The following RUNX1T1 variants were observed in gnomAD, a reference collection of about 807,000 sequenced individuals.
The protein encoded by RUNX1T1 is RUNX1 partner transcriptional co-repressor 1.
A neutral mutation model predicts 62.8 loss-of-function variants in RUNX1T1; 4 were observed. That is an observed-to-expected ratio of 0.06 (90% CI 0.03 to 0.15). The LOEUF is 0.15. Ranked by LOEUF, RUNX1T1 falls within the 10% of genes least tolerant of loss-of-function variation. RUNX1T1 has a pLI of 1.00. For missense variants in RUNX1T1, 508 were observed against 754.3 expected (o/e 0.67, Z 3.82); for synonymous variants, 291 against 286.0 (o/e 1.02, Z -0.18).
At chr8:92,044,266 G>A (rs941791038) in intron 1 of RUNX1T1, among the ~76,000 whole-genome samples, 5 of 152,168 alleles carry the variant, frequency 3.3e-5, no homozygotes, top group African/African-American at 1.2e-4. Flanking sequence ...CAGGCAGCAG[G>A]AAAGAAAAAG....
At chr8:92,052,668 C>T (rs1830415251) in intron 1 of RUNX1T1, among the ~76,000 whole-genome samples, 1 of 152,076 alleles carries the variant, frequency 6.6e-6, no homozygotes, top group South Asian at 2.1e-4. Flanking sequence ...CTTAAGAATC[C>T]TCTGAGGGCT....
intron 4 of RUNX1T1, among the ~76,000 whole-genome samples, chr8:92,007,967 C>CAAAA (rs34232877): frequency 3.9e-4 from 33 of 84,464 alleles, no homozygotes; most frequent in Middle Eastern, 8.9e-3. Context: ...GACTTTGTTT[C>CAAAA]AAAAAAAAAA....
At position 92,094,980 on chromosome 8, in the gene RUNX1T1, C is replaced by G. The variant is rs538386419; in HGVS notation, c.-86+4600G>C. ...TCGAGTCTCTTTAAACCTATTCAGA[C>G]TGGCAAAACTAAACCCAATTAAAGA... is the stretch of plus-strand genomic sequence containing the variant. On this transcript the variant is annotated intron_variant, in intron 1 of 11. Coordinates refer to the RUNX1T1 transcript ENST00000265814. 5 of 1,409,206 alleles carry G rather than the reference C, an allele frequency of 3.5e-6. No homozygotes were observed. In the African/African-American group the frequency reaches 5.7e-5, roughly 16 times the overall value. The allele number at this position is 1,409,206 out of a possible 1,614,324, so 87.3% of individuals were successfully genotyped here.
intron 2 of RUNX1T1, among the ~76,000 whole-genome samples, chr8:92,073,758 G>A (rs1834017382): frequency 1.3e-5 from 2 of 152,136 alleles, no homozygotes; most frequent in Non-Finnish European, 2.9e-5. Flanking sequence ...GTAAAACGGT[G>A]CAATCATCGC....
chr8:92,091,194 C>T (rs1209929225), intron 1 of RUNX1T1, among the ~76,000 whole-genome samples: 1 of 152,170 alleles, frequency 6.6e-6, no homozygotes, highest in African/African-American at 2.4e-5. Flanking sequence ...ATTCTAAAGG[C>T]CCTATTCATC....
At chr8:92,022,117 G>A (rs961824139) in intron 1 of RUNX1T1, among the ~76,000 whole-genome samples, 2 of 151,446 alleles carry the variant, frequency 1.3e-5, no homozygotes, top group Non-Finnish European at 2.9e-5. Flanking sequence ...ACTTGATGGC[G>A]ATATTTTTTA....
intron 1 of RUNX1T1, among the ~76,000 whole-genome samples, chr8:92,097,002 A>G (rs1443679188): frequency 6.6e-6 from 1 of 151,988 alleles, no homozygotes; most frequent in Non-Finnish European, 1.5e-5. Flanking sequence ...CACACACACC[A>G]ATGTTCCAAC....
chr8:91,980,924 A>T (rs1330747296), intron 8 of RUNX1T1, among the ~76,000 whole-genome samples: 1 of 151,996 alleles, frequency 6.6e-6, no homozygotes. Context: ...CTCTCACCTC[A>T]GCCTCCCAAA....
rs1814121373 is a variant in RUNX1T1 at position 91,977,042 on chromosome 8, T to C, written c.1199-1069A>G. 3 of 191,442 alleles carry C rather than the reference T, an allele frequency of 1.6e-5. No individual in the cohort carries two copies. The East Asian group carries it at 2.5e-4, about 16-fold the overall frequency. The allele number at this position is 191,442 out of a possible 1,614,324, so 11.9% of individuals were successfully genotyped here. A position where few individuals can be genotyped will look rare whatever the true frequency, so the allele number is the denominator to read the frequency against. On this transcript the variant is annotated intron_variant, in intron 8 of 10. Transcript: ENST00000396218. The stretch of plus-strand genomic sequence containing the variant: ...ACATTTAGTCCAGTCTCCTATATTT[T>C]ATGGTGCTACACAATGTCAAAAATA...
intron 1 of RUNX1T1, among the ~76,000 whole-genome samples, chr8:92,048,996 T>C (rs1829835954): frequency 6.6e-6 from 1 of 152,210 alleles, no homozygotes; most frequent in South Asian, 2.1e-4. Flanking sequence ...CATGCAGGTC[T>C]CTTCTGGAGG....
Position 92,005,098 on chromosome 8 carries a change from GCTCCTC to G in RUNX1T1, c.659+12_659+17del. ...GGGAAAAAGGTCATGGTTCATCCAG[GCTCCTC>G]CTCCCTCTCACCTGTCTGGAGTTCG... On this transcript the variant is annotated intron_variant, in intron 5 of 10. Transcript: ENST00000396218. 6.3e-7 allele frequency: 1 copy of G among 1,581,912 alleles called. No homozygotes were observed. The highest frequency in any genetic ancestry group is 1.4e-5 in the African/African-American group (1 of 73,400).
intron 5 of RUNX1T1, among the ~76,000 whole-genome samples, chr8:91,993,179 A>G (rs975874587): frequency 6.6e-6 from 1 of 152,140 alleles, no homozygotes; most frequent in Non-Finnish European, 1.5e-5. Flanking sequence ...CACTTCTTCT[A>G]CTTTCCCGGC....
At position 91,971,938 on chromosome 8, in the gene RUNX1T1, T is replaced by C. The variant is rs563560697; in HGVS notation, c.1268-1090A>G. Among the ~76,000 whole-genome samples, 17 of 152,326 alleles carry C rather than the reference T, an allele frequency of 1.1e-4. 1 individual carries two copies. In the South Asian group the frequency reaches 2.3e-3, roughly 20 times the overall value. On this transcript the variant is annotated intron_variant, in intron 9 of 10. Transcript: ENST00000396218. ...AAAATATCCTCCCCCTGAATTAGTT[T>C]ATCTAATTTTCATCTTTATTCAAAG...
chr8:92,011,936 T>C (rs1822020952), intron 3 of RUNX1T1, among the ~76,000 whole-genome samples: 1 of 152,194 alleles, frequency 6.6e-6, no homozygotes, highest in African/African-American at 2.4e-5. Context: ...TTCATTCGTT[T>C]TCTTTAGTTT....
chr8:91,961,374 T>G (rs553711837), intron 10 of RUNX1T1, among the ~76,000 whole-genome samples: 1 of 152,378 alleles, frequency 6.6e-6, no homozygotes, highest in South Asian at 2.1e-4. Flanking sequence ...CTGCTGCTCC[T>G]GTGTGCCTCA....
chr8:92,048,808 T>TG (rs1241297792), intron 1 of RUNX1T1, among the ~76,000 whole-genome samples: 2 of 152,168 alleles, frequency 1.3e-5, no homozygotes, highest in African/African-American at 4.8e-5. Context: ...AAGGCCACAT[T>TG]GGCCAAGTAA....
At chr8:91,992,918 G>A (rs1036511839) in intron 5 of RUNX1T1, among the ~76,000 whole-genome samples, 11 of 152,222 alleles carry the variant, frequency 7.2e-5, no homozygotes, top group Admixed American at 5.2e-4. Context: ...ATTTCTGGCT[G>A]TATATATTTC....
upstream of RUNX1T1, chr8:92,102,928 G>A: frequency 6.6e-7 from 1 of 1,508,364 alleles, no homozygotes; most frequent in Non-Finnish European, 8.8e-7. The surrounding 1 kb of genome is among the most constrained non-coding windows in gnomAD (Gnocchi z 4.5). Context: ...CCGTCGTCTC[G>A]GCCGGCCCGC....
At chr8:92,068,284 T>C (rs1464378885) in intron 2 of RUNX1T1, among the ~76,000 whole-genome samples, 1 of 152,216 alleles carries the variant, frequency 6.6e-6, no homozygotes, top group Non-Finnish European at 1.5e-5. Context: ...TGACAAGGAC[T>C]GTAACACTAT....
Sources: gnomAD v4.1 joint callset for allele counts (sites outside exome capture counted in the v4.1 genomes callset) on GRCh38, gnomAD v4.1.1 for gene constraint, Gnocchi (gnomAD v3.1) non-coding constraint, MANE v1.5 for transcripts, NCBI Gene and HGNC (gene_info 2026-07-23, HGNC 2026-07-21) for gene names.